ID4: variants seen among roughly 807,000 people sequenced by gnomAD.
The protein encoded by ID4 is DNA-binding protein inhibitor ID-4.
Under a neutral mutation model 8.6 loss-of-function variants are expected in ID4, and 9 were observed. That is an observed-to-expected ratio of 1.04 (90% CI 0.63 to 1.82). ID4 has a LOEUF of 1.82. Ranked by LOEUF, ID4 falls within the 40% of genes most tolerant of loss-of-function variation. ID4 has a pLI of 0.00. For missense variants in ID4, 270 were observed against 235.1 expected (o/e 1.15, Z -0.97); for synonymous variants, 180 against 118.0 (o/e 1.53, Z -3.41).
rs2113469045 is a variant in ID4, at chr6:19,841,230, A to T, written c.*2035A>T. 6.6e-6 allele frequency among the ~76,000 whole-genome samples: 1 copy of T among 152,334 alleles called. No homozygotes were observed. Among genetic ancestry groups the T allele is most frequent in the Non-Finnish European group, 1.5e-5 (1 of 68,022 alleles). ...ATGTTGAACGTTATAAAGTCAAAGAACTGCTTGTTTAGATGAGGTTTATTT... is the reference window on the plus strand; with the variant it reads ...ATGTTGAACGTTATAAAGTCAAAGATCTGCTTGTTTAGATGAGGTTTATTT... On this transcript the variant is annotated 3_prime_UTR_variant, in exon 3 of 3. Transcript: ENST00000378700.
Position 19,839,873 on chromosome 6 carries a change from A to G in ID4, c.*678A>G, listed in dbSNP as rs1358557438. 2.0e-5 allele frequency: 3 copies of G among 152,132 alleles called. No individual in the cohort carries two copies. The highest frequency in any genetic ancestry group is 7.2e-5 in the African/African-American group (3 of 41,440). 9.4% of individuals were successfully genotyped at this position (152,132 alleles called of 1,614,324 possible). ...ATCTATGGGAATATTTCTTTTGGAA[A>G]ATCATTTTTCAGCTCAATTACAGAG... On this transcript the variant is annotated 3_prime_UTR_variant, in exon 3 of 3. Transcript: ENST00000378700.
chr6:19,838,224 G>A (rs1363510137), intron 1 of ID4, 29 bp downstream of exon 1: 1 of 1,330,190 alleles, frequency 7.5e-7, no homozygotes, highest in Non-Finnish European at 9.5e-7. Flanking sequence ...GCCGTGGGCG[G>A]ACGCCGCGGG....
In ID4 at chr6:19,840,406, A is replaced by G. The variant is rs1329392016; in HGVS notation, c.*1211A>G. The G allele has an allele frequency of 6.6e-6, 1 of 152,610 alleles. No homozygotes were observed. Among genetic ancestry groups the G allele is most frequent in the Non-Finnish European group, 1.5e-5 (1 of 68,018 alleles). 9.5% of individuals were successfully genotyped at this position (152,610 alleles called of 1,614,324 possible). On this transcript the variant is annotated 3_prime_UTR_variant, in exon 3 of 3. Transcript: ENST00000378700. ...TGTTCTCTGCTTGCTACCAAAGGACAAACTCTTGGAAATGAACACTTTCTG... is the reference window on the plus strand; with the variant it reads ...TGTTCTCTGCTTGCTACCAAAGGACGAACTCTTGGAAATGAACACTTTCTG...
chr6:19,838,074 C>T lies in ID4; in HGVS notation c.320C>T (p.Ala107Val). ...VIDYILDLQLALETHPALLRQ... is the reference protein window; with the variant it reads ...VIDYILDLQLVLETHPALLRQ... ...GACTACATCCTGGACCTGCAGCTGGCGCTGGAGACGCACCCGGCCCTGCTG... is the reference window on the plus strand; with the variant it reads ...GACTACATCCTGGACCTGCAGCTGGTGCTGGAGACGCACCCGGCCCTGCTG... The change falls in exon 1 of 3, where the codon GCG becomes GTG. Residue 107 changes from alanine (A) to valine (V), a missense_variant. Ala to Val is a moderately conservative substitution (Grantham distance 64). This residue lies in a region of ID4 where 3 missense variants were observed against 22.6 expected (regional missense o/e 0.13). Coordinates refer to ENST00000378700, the MANE Select transcript of ID4 (RefSeq NM_001546.4). The T allele has an allele frequency of 1.9e-6, 3 of 1,605,840 alleles. No individual in the cohort carries two copies. The highest frequency in any genetic ancestry group is 2.6e-6 in the Non-Finnish European group (3 of 1,176,128).
chr6:19,838,683 G>GA (rs1378140951), intron 2 of ID4, 41 bp downstream of exon 2: 3 of 1,584,816 alleles, frequency 1.9e-6, no homozygotes, highest in African/African-American at 2.7e-5. Flanking sequence ...GGTCACCAGA[G>GA]ACGCCCGTCC....
rs1761320076 is a variant in ID4 at position 19,839,787 on chromosome 6, AATT to A, written c.*595_*597del. The stretch of plus-strand genomic sequence containing the variant: ...AAGTATATGCTTTAATAGATACTGT[AATT>A]ATAAGATATTTTTAATTAAATATTT... On this transcript the variant is annotated 3_prime_UTR_variant, in exon 3 of 3. Transcript: ENST00000378700. 1 of 152,412 alleles carries A rather than the reference AATT, an allele frequency of 6.6e-6. No homozygotes were observed. The highest frequency in any genetic ancestry group is 2.4e-5 in the African/African-American group (1 of 41,420). The allele number at this position is 152,412 out of a possible 1,614,324, so 9.4% of individuals were successfully genotyped here. A position where few individuals can be genotyped will look rare whatever the true frequency, so the allele number is the denominator to read the frequency against.
chr6:19,838,092 C>G lies in ID4; in HGVS notation c.338C>G (p.Ala113Gly). 1 of 1,602,622 alleles carries G rather than the reference C, an allele frequency of 6.2e-7. No homozygotes were observed. Among genetic ancestry groups the G allele is most frequent in the Middle Eastern group, 1.7e-4 (1 of 6,022 alleles). ...DLQLALETHP[A>G]LLRQPPPPAP... ...CAGCTGGCGCTGGAGACGCACCCGG[C>G]CCTGCTGAGGCAGCCACCACCGCCC... Residue 113 changes from alanine (A) to glycine (G), a missense_variant, in exon 1 of 3, where the codon GCC becomes GGC. Around this residue, in one of 3 missense-constraint regions of ID4, gnomAD observed 107 missense variants for 81.0 expected, o/e 1.32. Transcript: ENST00000378700.
rs1460204042 is a variant in ID4, at chr6:19,837,522, GC to G, written c.-232del. 11 of 173,556 alleles carry G rather than the reference GC, an allele frequency of 6.3e-5. No individual in the cohort carries two copies. The highest frequency in any genetic ancestry group is 2.4e-4 in the African/African-American group (8 of 33,382). The allele number at this position is 173,556 out of a possible 1,614,324, so 10.8% of individuals were successfully genotyped here. ...GGGCTACTTTTCTTCCGGTGCTTTT[GC>G]TTTTTTTTTCCTTTGGGCTCGGGCT... On this transcript the variant is annotated 5_prime_UTR_variant, in exon 1 of 3. Transcript: ENST00000378700.
intron 1 of ID4, 147 bp from the exon 2 acceptor site, chr6:19,838,437 C>T (rs1325832390): frequency 1.0e-5 from 12 of 1,162,032 alleles, no homozygotes; most frequent in Middle Eastern, 2.0e-4. Flanking sequence ...TGTCAAGTCC[C>T]GCCTGAGCCC....
Position 19,838,360 on chromosome 6 carries a change from C to G in ID4, c.441+165C>G, listed in dbSNP as rs1437447821. Among the ~76,000 whole-genome samples, 4 of 152,066 alleles carry G rather than the reference C, an allele frequency of 2.6e-5. No homozygotes were observed. The East Asian group carries it at 7.8e-4, about 30-fold the overall frequency. On this transcript the variant is annotated intron_variant, in intron 1 of 2. Transcript: ENST00000378700. ...CTCCCCCGGGCCGCCAGCAGCCGGCCGGGCTCGGCGAGCGCGGGTCCGGGA... is the reference window on the plus strand; with the variant it reads ...CTCCCCCGGGCCGCCAGCAGCCGGCGGGGCTCGGCGAGCGCGGGTCCGGGA...
At position 19,837,790 on chromosome 6, in the gene ID4, C is replaced by G; in HGVS notation, c.36C>G (p.Arg12=). The G allele has an allele frequency of 2.7e-6, 3 of 1,128,760 alleles. No homozygotes were observed. Among genetic ancestry groups the G allele is most frequent in the Non-Finnish European group, 3.3e-6 (3 of 922,892 alleles). 69.9% of individuals were successfully genotyped at this position (1,128,760 alleles called of 1,614,324 possible). Residue 12 remains arginine, a synonymous_variant, in exon 1 of 3, where the codon CGC becomes CGG. Coordinates refer to ENST00000378700, the MANE Select transcript of ID4 (RefSeq NM_001546.4). ...KAVSPVRPSG[R]KAPSGCGGGE... Reference sequence around the variant, plus strand: ...TGAGCCCGGTGCGCCCCTCGGGCCGCAAGGCGCCGTCGGGCTGCGGCGGCG... The same window carrying G: ...TGAGCCCGGTGCGCCCCTCGGGCCGGAAGGCGCCGTCGGGCTGCGGCGGCG...
Position 19,838,320 on chromosome 6 carries a change from CCCTGCT to C in ID4, c.441+129_441+134del, listed in dbSNP as rs1030464545. 3.8e-6 allele frequency: 4 copies of C among 1,044,104 alleles called. No homozygotes were observed. The Admixed American group carries it at 1.7e-4, about 43-fold the overall frequency. 64.7% of individuals were successfully genotyped at this position (1,044,104 alleles called of 1,614,324 possible). On this transcript the variant is annotated intron_variant, in intron 1 of 2. Transcript: ENST00000378700. ...CGGGCCAGGAATGACAGCCCCCTCC[CCCTGCT>C]CCTCCGGGCTCCCCCGGGCCGCCAG...
At chr6:19,838,337 C>T (rs1330473645) in intron 1 of ID4, 142 bp downstream of exon 1, 7 of 1,021,340 alleles carry the variant, frequency 6.9e-6, no homozygotes, top group South Asian at 2.1e-5. Context: ...CCTCCGGGCT[C>T]CCCCGGGCCG....
chr6:19,838,761 A>AG, intron 2 of ID4, 119 bp downstream of exon 2: 1 of 803,578 alleles, frequency 1.2e-6, no homozygotes, highest in Admixed American at 2.3e-5. Flanking sequence ...CAAACTCCCA[A>AG]GGAAGTAAAT....
intron 2 of ID4, chr6:19,838,989 A>C (rs1277437263): frequency 1.2e-5 from 3 of 260,236 alleles, no homozygotes; most frequent in African/African-American, 2.3e-5. Context: ...TGTCACCCAC[A>C]AAGGGGGACG....
intron 1 of ID4, 38 bp from the exon 2 acceptor site, chr6:19,838,546 C>A (rs771739776): frequency 6.2e-7 from 1 of 1,613,866 alleles, no homozygotes; most frequent in Non-Finnish European, 8.5e-7. Context: ...TTGTTTGCGC[C>A]TGCTAACCTT....
rs893706110 is a variant in ID4, at chr6:19,839,581, T to G, written c.*386T>G. The G allele has an allele frequency of 6.6e-6, 1 of 152,382 alleles. No individual in the cohort carries two copies. Among genetic ancestry groups the G allele is most frequent in the Non-Finnish European group, 1.5e-5 (1 of 68,012 alleles). The allele number at this position is 152,382 out of a possible 1,614,324, so 9.4% of individuals were successfully genotyped here. On this transcript the variant is annotated 3_prime_UTR_variant, in exon 3 of 3. Coordinates refer to ENST00000378700, the MANE Select transcript of ID4 (RefSeq NM_001546.4). ...GTGACCAAGGAGCTCAATTTTTGTT[T>G]TGAAGCTTTACTAATCTACCAGAGC...
Position 19,841,026 on chromosome 6 carries a change from T to G in ID4, c.*1831T>G, listed in dbSNP as rs993040180. ...ATGAGGTCAAATTCAGATATTTATA[T>G]GAATATGAAATACCATGGTCCCTAG... On this transcript the variant is annotated 3_prime_UTR_variant, in exon 3 of 3. Transcript: ENST00000378700. Among the ~76,000 whole-genome samples the G allele has an allele frequency of 5.9e-5, 9 of 152,184 alleles. No individual in the cohort carries two copies. Among genetic ancestry groups the G allele is most frequent in the Non-Finnish European group, 1.5e-5 (1 of 68,016 alleles).
rs1422030070 is a variant in ID4 at position 19,842,092 on chromosome 6, TTTA to T, written c.*2900_*2902del. 1.3e-5 allele frequency among the ~76,000 whole-genome samples: 2 copies of T among 152,268 alleles called. No homozygotes were observed. The highest frequency in any genetic ancestry group is 2.4e-5 in the African/African-American group (1 of 41,472). ...TGATATTGTGTAAACCTTACTCAAG[TTTA>T]TTGTCAAGCTTTAACTGCCTTTTTA... is the stretch of plus-strand genomic sequence containing the variant. On this transcript the variant is annotated 3_prime_UTR_variant, in exon 3 of 3. Coordinates refer to ENST00000378700, the MANE Select transcript of ID4 (RefSeq NM_001546.4).
Sources: gnomAD v4.1 joint callset for allele counts (sites outside exome capture counted in the v4.1 genomes callset) on GRCh38, gnomAD v4.1.1 for gene constraint, gnomAD v4.1.1 regional missense constraint, MANE v1.5 for transcripts, NCBI Gene and HGNC (gene_info 2026-07-23, HGNC 2026-07-21) for gene names.